The following PCDH15 variants were observed in gnomAD, a reference collection of about 807,000 sequenced individuals.
The protein encoded by PCDH15 is protocadherin related 15.
A neutral mutation model predicts 178.5 loss-of-function variants in PCDH15; 129 were observed. The ratio of observed to expected loss-of-function variants is 0.72; its 90% CI spans 0.63 to 0.84. The LOEUF (loss-of-function observed/expected upper bound fraction) is 0.84. PCDH15 is among the 40% of genes least tolerant of loss of function. The pLI, the probability that PCDH15 is intolerant of heterozygous loss-of-function variation, is 0.00. For synonymous variants in PCDH15, 800 were observed against 732.0 expected, an observed-to-expected ratio of 1.09 and a Z score of -1.50; for missense variants, 2,230 against 2,099.9, an observed-to-expected ratio of 1.06 and a Z score of -1.21.
At chr10:55,478,931 C>G (rs10825524) in intron 2 of PCDH15, among the ~76,000 whole-genome samples, 50,101 of 131,016 alleles carry the variant, frequency 0.38, 8,786 homozygotes, top group East Asian at 0.54. Flanking sequence ...AATTGAATCA[C>G]AAAGATAAAA....
rs565576912 is a variant in PCDH15, at chr10:55,579,982, G to A, written c.-156+47643C>T. On this transcript the variant is annotated intron_variant, in intron 2 of 5. Transcript: ENST00000613346. ...AGCAATTCTCATGCCTAAACCTCCC[G>A]AGTAGCTGGGATTATAGGCACCTGC... Among the ~76,000 whole-genome samples the A allele has an allele frequency of 9.2e-5, 14 of 151,956 alleles. 1 individual carries two copies. Among genetic ancestry groups the A allele is most frequent in the Admixed American group, 3.9e-4 (6 of 15,248 alleles).
intron 1 of PCDH15, among the ~76,000 whole-genome samples, chr10:54,686,240 A>C (rs1225432059): frequency 2.0e-5 from 3 of 151,892 alleles, no homozygotes; most frequent in Middle Eastern, 3.2e-3. Flanking sequence ...TCATCAGCTA[A>C]TAACCAAACT....
rs534458574 is a variant in PCDH15, at chr10:54,870,666, G to C, written c.-29+26784C>G. Among the ~76,000 whole-genome samples the C allele has an allele frequency of 1.8e-4, 28 of 151,978 alleles. No homozygotes were observed. In the South Asian group the frequency reaches 4.8e-3, roughly 26 times the overall value. On this transcript the variant is annotated intron_variant, in intron 3 of 5. Transcript: ENST00000458638. The stretch of plus-strand genomic sequence containing the variant: ...CCGGGCGTGGTGGCGGGCGCCTGTA[G>C]TCCCAGCTACTCCGGAGGCTGAGGC...
chr10:54,368,620 T>C (rs187492786), intron 5 of PCDH15, among the ~76,000 whole-genome samples: 44 of 152,190 alleles, frequency 2.9e-4, no homozygotes, highest in African/African-American at 8.9e-4. Context: ...ATTTTTCTAA[T>C]TTGATCAGCA....
chr10:54,134,390 A>G (rs1253165848), intron 14 of PCDH15, among the ~76,000 whole-genome samples: 2 of 152,062 alleles, frequency 1.3e-5, no homozygotes, highest in African/African-American at 4.8e-5. Flanking sequence ...TGCTTCAATT[A>G]AAAGACATGG....
At chr10:55,586,886 A>G (rs1842736269) in intron 2 of PCDH15, among the ~76,000 whole-genome samples, 1 of 152,144 alleles carries the variant, frequency 6.6e-6, no homozygotes, top group Admixed American at 6.5e-5. Flanking sequence ...TTATTCATGC[A>G]TTTGTATTCC....
intron 10 of PCDH15, among the ~76,000 whole-genome samples, chr10:54,205,181 G>T (rs2050663198): frequency 6.6e-6 from 1 of 151,994 alleles, no homozygotes; most frequent in Non-Finnish European, 1.5e-5. Context: ...GTAGTCGTTT[G>T]GGATCAGTTG....
chr10:54,502,865 A>T (rs768073290), intron 3 of PCDH15, among the ~76,000 whole-genome samples: 20 of 151,992 alleles, frequency 1.3e-4, no homozygotes, highest in Admixed American at 4.6e-4. Flanking sequence ...GCTTTATGAG[A>T]TTGTAAATCT....
At chr10:54,241,828 CA>C (rs1031652686) in intron 8 of PCDH15, among the ~76,000 whole-genome samples, 38 of 149,388 alleles carry the variant, frequency 2.5e-4, no homozygotes, top group African/African-American at 8.3e-4. Flanking sequence ...TAAACAATAA[CA>C]AAAAAAGTCT....
At chr10:53,826,386 C>CA (rs1387292003) in intron 32 of PCDH15, among the ~76,000 whole-genome samples, 1 of 151,698 alleles carries the variant, frequency 6.6e-6, no homozygotes, top group Non-Finnish European at 1.5e-5. Context: ...TGTTTAAAAC[C>CA]AGCTTTTCCA....
At chr10:54,631,174 G>C (rs907481106) in intron 2 of PCDH15, among the ~76,000 whole-genome samples, 2 of 151,980 alleles carry the variant, frequency 1.3e-5, no homozygotes, top group African/African-American at 4.8e-5. Context: ...CATGAGATCT[G>C]ATCATTTATC....
At chr10:54,030,706 T>C in intron 18 of PCDH15, among the ~76,000 whole-genome samples, 1 of 152,072 alleles carries the variant, frequency 6.6e-6, no homozygotes, top group East Asian at 1.9e-4. Flanking sequence ...CATTTTATCC[T>C]AGCATTCAAG....
In PCDH15 at chr10:53,819,906, T is replaced by C. The variant is rs190957979; in HGVS notation, c.4433+259A>G. Among the ~76,000 whole-genome samples, 79 of 152,164 alleles carry C rather than the reference T, an allele frequency of 5.2e-4. 2 individuals carry two copies. Among genetic ancestry groups the C allele is most frequent in the Admixed American group, 1.0e-3 (16 of 15,268 alleles). ...CTTAAATATAAAACACAGGTATCTA[T>C]GTTTCAATTAAAAAGTACAGAATAA... On this transcript the variant is annotated intron_variant, in intron 33 of 37. Transcript: ENST00000644397.
At chr10:54,829,833 T>C (rs1360532888) in intron 3 of PCDH15, among the ~76,000 whole-genome samples, 3 of 152,166 alleles carry the variant, frequency 2.0e-5, no homozygotes, top group Non-Finnish European at 4.4e-5. Context: ...CTAAATGATA[T>C]GCACACTATA....
intron 2 of PCDH15, among the ~76,000 whole-genome samples, chr10:55,361,997 T>G (rs902024290): frequency 6.6e-6 from 1 of 152,062 alleles, no homozygotes; most frequent in East Asian, 1.9e-4. Flanking sequence ...AGAAATTACA[T>G]TGGAAATATA....
intron 2 of PCDH15, among the ~76,000 whole-genome samples, chr10:54,642,070 A>G (rs1192443179): frequency 1.3e-5 from 2 of 151,292 alleles, no homozygotes; most frequent in South Asian, 2.1e-4. Flanking sequence ...TAACCCCCCA[A>G]CGTGATGGTA....
intron 2 of PCDH15, among the ~76,000 whole-genome samples, chr10:54,944,782 A>G (rs1470977909): frequency 6.6e-6 from 1 of 151,934 alleles, no homozygotes; most frequent in East Asian, 1.9e-4. Context: ...GTTGGGGAGA[A>G]TACAAAGGAT....
intron 3 of PCDH15, among the ~76,000 whole-genome samples, chr10:54,391,421 A>C (rs1422192652): frequency 6.6e-6 from 1 of 152,102 alleles, no homozygotes; most frequent in Non-Finnish European, 1.5e-5. Context: ...ACCAATTACT[A>C]TAATACTTGG....
chr10:53,833,141 G>A (rs1033198526), intron 29 of PCDH15, among the ~76,000 whole-genome samples: 1 of 151,898 alleles, frequency 6.6e-6, no homozygotes. Flanking sequence ...TTGCTTCACA[G>A]GAACTATATT....
Sources: gnomAD v4.1 joint callset for allele counts (sites outside exome capture counted in the v4.1 genomes callset) on GRCh38, gnomAD v4.1.1 for gene constraint, MANE v1.5 for transcripts, NCBI Gene and HGNC (gene_info 2026-07-23, HGNC 2026-07-21) for gene names.